The following ARHGEF12 variants were observed in gnomAD, a reference collection of about 807,000 sequenced individuals.
ARHGEF12 encodes KMT2A/ARHGEF12 fusion protein.
In ARHGEF12, 66 loss-of-function variants were observed where a neutral mutation model predicts 211.2. That is an observed-to-expected ratio of 0.31 (90% CI 0.26 to 0.38). ARHGEF12 has a LOEUF of 0.38. Ranked by LOEUF, ARHGEF12 falls within the 10% of genes least tolerant of loss-of-function variation. ARHGEF12 has a pLI of 1.00. For missense variants in ARHGEF12, 1,429 were observed against 1,869.5 expected (o/e 0.76, Z 4.34); for synonymous variants, 592 against 638.4 (o/e 0.93, Z 1.09).
At position 120,396,907 on chromosome 11, in the gene ARHGEF12, T is replaced by A. The variant is rs1296707828; in HGVS notation, c.33-9211T>A. ...AAATATAATGGTTCCCAATTAGGAC[T>A]GCTTTCATGTTTAATACAGAGAAAC... On this transcript the variant is annotated intron_variant, in intron 1 of 40. Transcript: ENST00000397843. 2.6e-5 allele frequency among the ~76,000 whole-genome samples: 4 copies of A among 152,218 alleles called. No individual in the cohort carries two copies. In the East Asian group the frequency reaches 7.7e-4, roughly 29 times the overall value.
At chr11:120,429,648 G>A (rs764983241) in intron 9 of ARHGEF12, 64 bp from the exon 10 acceptor site, 67 of 1,567,136 alleles carry the variant, frequency 4.3e-5, no homozygotes, top group Non-Finnish European at 5.3e-5. Context: ...GATTAAGAAT[G>A]GACTATTTCT....
At chr11:120,377,564 A>T (rs758022237) in intron 1 of ARHGEF12, among the ~76,000 whole-genome samples, 1 of 152,034 alleles carries the variant, frequency 6.6e-6, no homozygotes, top group African/African-American at 2.4e-5. Context: ...GCTGGCCTCA[A>T]ACTCCTGGGC....
At chr11:120,399,042 C>T (rs1434540885) in intron 1 of ARHGEF12, among the ~76,000 whole-genome samples, 1 of 151,834 alleles carries the variant, frequency 6.6e-6, no homozygotes, top group Non-Finnish European at 1.5e-5. Context: ...TAGTCAGGCA[C>T]AGTGTCTCAT....
rs1945720741 is a variant in ARHGEF12, at chr11:120,437,247, T to TC, written c.925-58dup. 3.4e-6 allele frequency: 4 copies of TC among 1,168,190 alleles called. No individual in the cohort carries two copies. In the East Asian group the frequency reaches 7.5e-5, roughly 22 times the overall value. 72.4% of individuals were successfully genotyped at this position (1,168,190 alleles called of 1,614,324 possible). A position where few individuals can be genotyped will look rare whatever the true frequency, so the allele number is the denominator to read the frequency against. Reference sequence around the variant, plus strand: ...GAACAATTTTTTTTTCACACTTTTTTCCCTCATCTCCTTTTGGTGTGCCTA... The same window carrying TC: ...GAACAATTTTTTTTTCACACTTTTTTCCCCTCATCTCCTTTTGGTGTGCCTA... On this transcript the variant is annotated intron_variant, in intron 11 of 40. Coordinates refer to ENST00000397843, the MANE Select transcript of ARHGEF12 (RefSeq NM_015313.3).
chr11:120,367,279 A>G (rs1163900688), intron 1 of ARHGEF12, among the ~76,000 whole-genome samples: 2 of 150,842 alleles, frequency 1.3e-5, no homozygotes, highest in Non-Finnish European at 2.9e-5. Flanking sequence ...TTTAAGGATT[A>G]TAGGACAGCA....
Position 120,445,301 on chromosome 11 carries a change from G to T in ARHGEF12, c.1303-121G>T, listed in dbSNP as rs1213940706. 16 of 891,216 alleles carry T rather than the reference G, an allele frequency of 1.8e-5. No individual in the cohort carries two copies. The East Asian group carries it at 3.9e-4, about 22-fold the overall frequency. 55.2% of individuals were successfully genotyped at this position (891,216 alleles called of 1,614,324 possible). On this transcript the variant is annotated intron_variant, in intron 15 of 40. Coordinates refer to ENST00000397843, the MANE Select transcript of ARHGEF12 (RefSeq NM_015313.3). ...GAAATGTGAATGAATAAATGAGCTT[G>T]TACTTGATTGTGCTTGTAGAGTGGG...
At chr11:120,435,479 A>C (rs925888920) in intron 11 of ARHGEF12, among the ~76,000 whole-genome samples, 2 of 147,530 alleles carry the variant, frequency 1.4e-5, no homozygotes, top group Non-Finnish European at 3.0e-5. Flanking sequence ...TGATATCAAC[A>C]TGATTTCCTT....
chr11:120,429,740 C>T lies in ARHGEF12; in HGVS notation c.692C>T (p.Pro231Leu). ...TTGCAGGAAGATTACAACCGAACAC[C>T]TGCCCAAAGATTGCTAAAAGAGATC... ...QLLQEDYNRTPAQRLLKEIQE... is the reference protein window; with the variant it reads ...QLLQEDYNRTLAQRLLKEIQE... The change falls in exon 10 of 41, where the codon CCT (proline) becomes CTT (leucine). Residue 231 changes from proline to leucine, a missense_variant. Transcript: ENST00000397843. 1 of 1,613,666 alleles carries T rather than the reference C, an allele frequency of 6.2e-7. No individual in the cohort carries two copies. The highest frequency in any genetic ancestry group is 8.5e-7 in the Non-Finnish European group (1 of 1,179,816).
chr11:120,393,574 T>TA (rs548968119), intron 1 of ARHGEF12, among the ~76,000 whole-genome samples: 44 of 152,186 alleles, frequency 2.9e-4, no homozygotes, highest in African/African-American at 1.0e-3. Context: ...TCAACAGGGA[T>TA]AAAAAAAGTA....
Position 120,406,488 on chromosome 11 carries a change from G to A in ARHGEF12, c.56+347G>A, listed in dbSNP as rs2135572467. The stretch of plus-strand genomic sequence containing the variant: ...TAGTTTTTGATGTGTTTTATCACTT[G>A]TGTGACTATAATTGCCTTTAGTTAA... On this transcript the variant is annotated intron_variant, in intron 2 of 40. Transcript: ENST00000397843. 2.0e-5 allele frequency among the ~76,000 whole-genome samples: 3 copies of A among 152,200 alleles called. No homozygotes were observed. In the South Asian group the frequency reaches 6.2e-4, roughly 32 times the overall value.
chr11:120,421,955 CT>C, intron 6 of ARHGEF12, 103 bp downstream of exon 6: 1 of 843,872 alleles, frequency 1.2e-6, no homozygotes, highest in Non-Finnish European at 1.9e-6. Context: ...AAGCATCATA[CT>C]TCTATGTATG....
chr11:120,421,180 A>C (rs1318574048), intron 5 of ARHGEF12, among the ~76,000 whole-genome samples: 4 of 152,240 alleles, frequency 2.6e-5, no homozygotes, highest in Non-Finnish European at 5.9e-5. Flanking sequence ...GATTAAAGAG[A>C]TAGCTATGGC....
intron 25 of ARHGEF12, 92 bp downstream of exon 25, chr11:120,458,326 T>G: frequency 2.0e-6 from 3 of 1,466,076 alleles, no homozygotes; most frequent in Non-Finnish European, 2.8e-6. Flanking sequence ...GCTTCAAAGT[T>G]TCTCCTAGCC....
chr11:120,466,209 A>G (rs1300793728), intron 28 of ARHGEF12, among the ~76,000 whole-genome samples: 2 of 152,226 alleles, frequency 1.3e-5, no homozygotes, highest in Non-Finnish European at 2.9e-5. Flanking sequence ...TGCAGTTTTC[A>G]TCTGATGCTC....
intron 27 of ARHGEF12, chr11:120,465,021 A>T (rs1009743385): frequency 3.7e-6 from 2 of 536,874 alleles, no homozygotes; most frequent in Non-Finnish European, 6.3e-6. Context: ...AGAAAAAAAA[A>T]AGAAGAAGAA....
At position 120,437,226 on chromosome 11, in the gene ARHGEF12, A is replaced by T. The variant is rs1591591019; in HGVS notation, c.925-82A>T. On this transcript the variant is annotated intron_variant, in intron 11 of 40. Coordinates refer to ENST00000397843, the MANE Select transcript of ARHGEF12 (RefSeq NM_015313.3). ...TAAATACAAATATGAAATTCAGAACAATTTTTTTTTCACACTTTTTTCCCT... is the reference window on the plus strand; with the variant it reads ...TAAATACAAATATGAAATTCAGAACTATTTTTTTTTCACACTTTTTTCCCT... 15 of 918,496 alleles carry T rather than the reference A, an allele frequency of 1.6e-5. No homozygotes were observed. In the East Asian group the frequency reaches 4.0e-4, roughly 24 times the overall value. The allele number at this position is 918,496 out of a possible 1,614,324, so 56.9% of individuals were successfully genotyped here.
chr11:120,414,249 G>C (rs913948646), intron 4 of ARHGEF12, among the ~76,000 whole-genome samples: 1 of 152,170 alleles, frequency 6.6e-6, no homozygotes, highest in Non-Finnish European at 1.5e-5. Context: ...TAAGAGACAG[G>C]AAATAAAGTT....
In ARHGEF12 at chr11:120,455,455, T is replaced by G. The variant is rs926318998; in HGVS notation, c.2057-1663T>G. 2.0e-5 allele frequency among the ~76,000 whole-genome samples: 3 copies of G among 152,204 alleles called. No individual in the cohort carries two copies. In the East Asian group the frequency reaches 5.8e-4, roughly 29 times the overall value. On this transcript the variant is annotated intron_variant, in intron 22 of 40. Coordinates refer to ENST00000397843, the MANE Select transcript of ARHGEF12 (RefSeq NM_015313.3). ...CTTCAACTTTCTGAAGGAAAATGGT[T>G]TTGAACTTAGAATCCTGTATCCATC...
intron 34 of ARHGEF12, chr11:120,476,958 A>G (rs376921152): frequency 1.7e-6 from 1 of 587,018 alleles, no homozygotes; most frequent in Admixed American, 3.4e-5. Context: ...CTAAAGAAAA[A>G]ATTGTGCAAA....
Sources: allele counts gnomAD v4.1 joint callset (sites outside exome capture counted in the v4.1 genomes callset), GRCh38; gene constraint gnomAD v4.1.1; transcripts MANE v1.5; gene names NCBI Gene and HGNC (gene_info 2026-07-23, HGNC 2026-07-21).